The following NAALADL2 variants were observed in gnomAD, a reference collection of about 807,000 sequenced individuals.
NAALADL2 encodes N-acetylated alpha-linked acidic dipeptidase like 2, also known as inactive N-acetylated-alpha-linked acidic dipeptidase-like protein 2.
In NAALADL2, 76 loss-of-function variants were observed where a neutral mutation model predicts 87.2. The observed-to-expected ratio is 0.87, with a 90% CI of 0.72 to 1.05. The LOEUF is 1.05. Ranked by LOEUF, NAALADL2 falls within the 50% of genes least tolerant of loss-of-function variation. NAALADL2 has a pLI of 0.00. For missense variants in NAALADL2, 1,089 were observed against 945.8 expected, an observed-to-expected ratio of 1.15 and a Z score of -1.99; for synonymous variants, 354 against 331.0, an observed-to-expected ratio of 1.07 and a Z score of -0.75.
chr3:175,662,843 C>T (rs1314148907), intron 11 of NAALADL2, among the ~76,000 whole-genome samples: 1 of 151,876 alleles, frequency 6.6e-6, no homozygotes, highest in African/African-American at 2.4e-5. Flanking sequence ...GGATGGTTCC[C>T]ACTTGATCAT....
intron 1 of NAALADL2, among the ~76,000 whole-genome samples, chr3:174,880,318 G>A: frequency 6.6e-6 from 1 of 151,998 alleles, no homozygotes; most frequent in East Asian, 1.9e-4. Flanking sequence ...ATTTCCAGTT[G>A]CTCAGCCTAA....
intron 5 of NAALADL2, among the ~76,000 whole-genome samples, chr3:175,444,744 G>A (rs1209040613): frequency 1.3e-5 from 2 of 152,124 alleles, no homozygotes; most frequent in African/African-American, 4.8e-5. Flanking sequence ...AATGACCTAC[G>A]CTGTGGTCCG....
At chr3:175,590,072 C>T (rs1273353965) in intron 10 of NAALADL2, among the ~76,000 whole-genome samples, 5 of 151,732 alleles carry the variant, frequency 3.3e-5, no homozygotes, top group African/African-American at 4.8e-5. Flanking sequence ...ATTAGCCGGG[C>T]GTGGTGGCGG....
chr3:175,546,584 T>C (rs1713375869), intron 9 of NAALADL2, among the ~76,000 whole-genome samples: 1 of 152,142 alleles, frequency 6.6e-6, no homozygotes, highest in Middle Eastern at 3.2e-3. Flanking sequence ...TGTCTGGTGG[T>C]AACAAATTTC....
chr3:175,595,220 TC>T (rs1480688249), intron 10 of NAALADL2, among the ~76,000 whole-genome samples: 1 of 152,074 alleles, frequency 6.6e-6, no homozygotes, highest in Non-Finnish European at 1.5e-5. Flanking sequence ...CATATGAGTA[TC>T]CAGTTATTCC....
At chr3:174,919,302 C>T (rs991163632) in intron 1 of NAALADL2, among the ~76,000 whole-genome samples, 4 of 152,006 alleles carry the variant, frequency 2.6e-5, no homozygotes, top group African/African-American at 9.7e-5. Context: ...GCATTTTACC[C>T]ACAGTAGAAC....
At chr3:174,521,176 C>A (rs1578074359) in intron 1 of NAALADL2, among the ~76,000 whole-genome samples, 1 of 152,172 alleles carries the variant, frequency 6.6e-6, no homozygotes, top group East Asian at 1.9e-4. Context: ...TAGAAGAAAT[C>A]ATTATACAAA....
chr3:174,784,143 G>A (rs562203466), intron 3 of NAALADL2, among the ~76,000 whole-genome samples: 4 of 152,108 alleles, frequency 2.6e-5, no homozygotes, highest in South Asian at 2.1e-4. Context: ...TCTGCAACAC[G>A]TATTTTTTAC....
intron 1 of NAALADL2, among the ~76,000 whole-genome samples, chr3:174,993,343 G>T (rs1053378146): frequency 2.6e-5 from 4 of 152,120 alleles, no homozygotes; most frequent in African/African-American, 9.7e-5. Context: ...CCCTGGTTAT[G>T]AGCCAGGAAG....
At chr3:175,792,375 A>G (rs1752903128) in intron 13 of NAALADL2, among the ~76,000 whole-genome samples, 1 of 152,192 alleles carries the variant, frequency 6.6e-6, no homozygotes, top group Non-Finnish European at 1.5e-5. Context: ...AAGCTTTGTG[A>G]TCAACATTCA....
intron 3 of NAALADL2, among the ~76,000 whole-genome samples, chr3:174,748,885 G>C (rs1363627084): frequency 6.6e-6 from 1 of 152,058 alleles, no homozygotes; most frequent in African/African-American, 2.4e-5. Flanking sequence ...CTCTGAATTG[G>C]TAAATGTAAT....
chr3:175,085,744 C>T (rs928715046), intron 1 of NAALADL2, among the ~76,000 whole-genome samples: 6 of 152,014 alleles, frequency 3.9e-5, no homozygotes, highest in African/African-American at 9.7e-5. Context: ...ATGGTGAAAC[C>T]CTGTCTCTAC....
intron 11 of NAALADL2, among the ~76,000 whole-genome samples, chr3:175,632,772 A>G (rs377559191): frequency 2.0e-5 from 3 of 152,126 alleles, no homozygotes; most frequent in African/African-American, 7.2e-5. Flanking sequence ...TAGAGCACCT[A>G]GTCAGATACA....
intron 11 of NAALADL2, among the ~76,000 whole-genome samples, chr3:175,656,275 A>C (rs2149799952): frequency 6.6e-6 from 1 of 152,366 alleles, no homozygotes; most frequent in Non-Finnish European, 1.5e-5. Flanking sequence ...CGTTTGTCTC[A>C]GAATTATTTA....
intron 5 of NAALADL2, among the ~76,000 whole-genome samples, chr3:175,368,579 G>GTGTA (rs1382806086): frequency 6.6e-6 from 1 of 151,724 alleles, no homozygotes; most frequent in Non-Finnish European, 1.5e-5. Flanking sequence ...GTGAGTGTGT[G>GTGTA]TGTGTGTGTG....
chr3:175,711,547 T>C (rs1740531008), intron 11 of NAALADL2, among the ~76,000 whole-genome samples: 1 of 151,946 alleles, frequency 6.6e-6, no homozygotes, highest in African/African-American at 2.4e-5. Flanking sequence ...TCTGAGCCAG[T>C]CAAGCTTATA....
chr3:175,085,760 A>G (rs1250821922), intron 1 of NAALADL2, among the ~76,000 whole-genome samples: 2 of 152,162 alleles, frequency 1.3e-5, no homozygotes, highest in African/African-American at 2.4e-5. Context: ...TCTACTAAAA[A>G]TACAAAAATT....
chr3:175,085,026 T>C (rs1718614308), intron 1 of NAALADL2, among the ~76,000 whole-genome samples: 1 of 152,184 alleles, frequency 6.6e-6, no homozygotes, highest in African/African-American at 2.4e-5. Context: ...GAAAAGGTCA[T>C]ACTACAAAAT....
chr3:175,048,082 A>C lies in NAALADL2; in HGVS notation c.44-48708A>C, dbSNP rs528537719. Among the ~76,000 whole-genome samples, 353 of 152,236 alleles carry C rather than the reference A, an allele frequency of 2.3e-3. 1 individual carries two copies. Among genetic ancestry groups the C allele is most frequent in the African/African-American group, 8.1e-3 (338 of 41,550 alleles). ...TCTTTGGTAGTGGGATTTGTACTTT[A>C]ATTTCTGTAGCTTTTTGATAAGTTG... On this transcript the variant is annotated intron_variant, in intron 1 of 13. Transcript: ENST00000454872.
Sources: allele counts gnomAD v4.1 joint callset (sites outside exome capture counted in the v4.1 genomes callset), GRCh38; gene constraint gnomAD v4.1.1; transcripts MANE v1.5; gene names NCBI Gene and HGNC (gene_info 2026-07-23, HGNC 2026-07-21).